The following MFSD11 variants were observed in gnomAD, a reference collection of about 807,000 sequenced individuals.
MFSD11 encodes UNC93-like protein MFSD11.
A neutral mutation model predicts 53.5 loss-of-function variants in MFSD11; 36 were observed. That is an observed-to-expected ratio of 0.67 (90% CI 0.52 to 0.89). MFSD11 has a LOEUF of 0.89. Ranked by LOEUF, MFSD11 falls within the 40% of genes least tolerant of loss-of-function variation. The pLI is 0.00. For synonymous variants in MFSD11, 186 were observed against 184.9 expected, an observed-to-expected ratio of 1.01 and a Z score of -0.05; for missense variants, 530 against 543.9, an observed-to-expected ratio of 0.97 and a Z score of 0.25.
At chr17:76,777,639 T>A (rs898598315) in intron 12 of MFSD11, among the ~76,000 whole-genome samples, 1 of 152,148 alleles carries the variant, frequency 6.6e-6, no homozygotes, top group Non-Finnish European at 1.5e-5. Flanking sequence ...GGGACATCCT[T>A]TAAGAGGATT....
intron 8 of MFSD11, among the ~76,000 whole-genome samples, chr17:76,764,240 C>CT (rs1212647079): frequency 6.8e-6 from 1 of 146,542 alleles, no homozygotes; most frequent in Admixed American, 6.7e-5. Flanking sequence ...ACATAGTTAT[C>CT]TTTTTTTTGC....
At chr17:76,780,276 T>C (rs1007609471), downstream of MFSD11, among the ~76,000 whole-genome samples, 6 of 152,206 alleles carry the variant, frequency 3.9e-5, no homozygotes, top group African/African-American at 1.4e-4. Context: ...TCTGTCTCTA[T>C]AGATTTGCTT....
At chr17:76,762,872 C>CTT (rs557000394) in intron 8 of MFSD11, among the ~76,000 whole-genome samples, 1 of 144,066 alleles carries the variant, frequency 6.9e-6, no homozygotes, top group Non-Finnish European at 1.5e-5. Context: ...CCCCACATTC[C>CTT]TTTTTTTTTT....
chr17:76,767,157 A>G, intron 8 of MFSD11: 2 of 404,786 alleles, frequency 4.9e-6, no homozygotes, highest in Non-Finnish European at 8.8e-6. Context: ...GAGCTGGAAA[A>G]TGTGCTGAGG....
intron 7 of MFSD11, among the ~76,000 whole-genome samples, chr17:76,752,057 A>C (rs958034115): frequency 2.0e-5 from 3 of 152,224 alleles, no homozygotes; most frequent in Non-Finnish European, 4.4e-5. Context: ...TCTCCAAAGG[A>C]ATCATAGAAG....
rs2082062041 is a variant in MFSD11, at chr17:76,778,881, C to A, written c.*529C>A. ...GCTGAGACAGAAGGATCACTTCAGCCCAGGAGATTGAGGCTGCGGTGAGCT... is the reference window on the plus strand; with the variant it reads ...GCTGAGACAGAAGGATCACTTCAGCACAGGAGATTGAGGCTGCGGTGAGCT... On this transcript the variant is annotated 3_prime_UTR_variant, in exon 13 of 13. Transcript: ENST00000685175. 1 of 155,410 alleles carries A rather than the reference C, an allele frequency of 6.4e-6. No homozygotes were observed. Among genetic ancestry groups the A allele is most frequent in the Non-Finnish European group, 1.4e-5 (1 of 70,062 alleles). The allele number at this position is 155,410 out of a possible 1,614,324, so 9.6% of individuals were successfully genotyped here.
chr17:76,780,839 T>G (rs901818109), downstream of MFSD11, among the ~76,000 whole-genome samples: 2 of 152,180 alleles, frequency 1.3e-5, no homozygotes, highest in African/African-American at 4.8e-5. Flanking sequence ...GTTCTGGTTT[T>G]CCTTTTTGAA....
In MFSD11 at chr17:76,776,398, T is replaced by C; in HGVS notation, c.1050-8T>C. On this transcript the variant is annotated splice_polypyrimidine_tract_variant and splice_region_variant and intron_variant, in intron 11 of 12. Transcript: ENST00000685175. This position sits in a 1 kb window ranked among gnomAD's most constrained non-coding sequence, Gnocchi z 4.2. ...TGCTCATACTAAATTGATTTTTATT[T>C]TCTTCAGCAAAGAAGTTGCCATTCT... 1.2e-6 allele frequency: 2 copies of C among 1,612,128 alleles called. No individual in the cohort carries two copies. Among genetic ancestry groups the C allele is most frequent in the East Asian group, 4.5e-5 (2 of 44,836 alleles).
downstream of MFSD11, chr17:76,781,477 C>T (rs1329915365): frequency 1.3e-5 from 2 of 152,198 alleles, no homozygotes; most frequent in Non-Finnish European, 1.5e-5. Context: ...TGGGGAGCAT[C>T]TTACAAGGCT....
At chr17:76,758,809 G>A (rs1329525011) in intron 8 of MFSD11, among the ~76,000 whole-genome samples, 3 of 152,080 alleles carry the variant, frequency 2.0e-5, no homozygotes. Flanking sequence ...CCCTTGAACA[G>A]CGTGGGGCAT....
chr17:76,756,613 C>CT (rs2079658327), intron 8 of MFSD11, among the ~76,000 whole-genome samples: 2 of 152,090 alleles, frequency 1.3e-5, no homozygotes, highest in African/African-American at 4.8e-5. Flanking sequence ...ATAATGCCAT[C>CT]ACTTTGGGAG....
At chr17:76,774,197 A>G (rs2081616047) in intron 10 of MFSD11, among the ~76,000 whole-genome samples, 1 of 152,172 alleles carries the variant, frequency 6.6e-6, no homozygotes, top group Non-Finnish European at 1.5e-5. Flanking sequence ...AAGGGCTGGG[A>G]TTACAGGTGT....
At chr17:76,772,884 A>G (rs1377585004) in intron 10 of MFSD11, among the ~76,000 whole-genome samples, 1 of 152,064 alleles carries the variant, frequency 6.6e-6, no homozygotes, top group Non-Finnish European at 1.5e-5. Flanking sequence ...ATACCTTTTA[A>G]GATTTGTTGG....
chr17:76,756,749 A>T (rs1199082950), intron 8 of MFSD11, among the ~76,000 whole-genome samples: 2 of 151,868 alleles, frequency 1.3e-5, no homozygotes, highest in African/African-American at 4.8e-5. Context: ...AATCCCAGCT[A>T]CTCAGGAGGC....
At chr17:76,764,157 C>G (rs562682776) in intron 8 of MFSD11, among the ~76,000 whole-genome samples, 3 of 152,290 alleles carry the variant, frequency 2.0e-5, no homozygotes, top group Admixed American at 2.0e-4. Flanking sequence ...TAGCACTCGG[C>G]CACGTGTTTT....
downstream of MFSD11, among the ~76,000 whole-genome samples, chr17:76,782,450 C>T (rs535008490): frequency 2.1e-5 from 3 of 144,114 alleles, no homozygotes; most frequent in East Asian, 6.3e-4. Context: ...GCTGGGATTA[C>T]AGGCGTGAGC....
chr17:76,747,692 A>G (rs576060363), intron 7 of MFSD11, among the ~76,000 whole-genome samples: 2 of 152,304 alleles, frequency 1.3e-5, no homozygotes, highest in Admixed American at 1.3e-4. Context: ...GTGAAAGTGA[A>G]TACCACAAAT....
chr17:76,741,798 A>G (rs2078108680), intron 3 of MFSD11, 171 bp from the exon 4 acceptor site: 4 of 586,822 alleles, frequency 6.8e-6, no homozygotes, highest in African/African-American at 2.0e-5. Flanking sequence ...AAAAAAATTA[A>G]TTAATTAAGA....
upstream of MFSD11, chr17:76,737,655 A>C (rs79269320): frequency 2.6e-5 from 5 of 190,448 alleles, no homozygotes; most frequent in East Asian, 4.6e-4. Context: ...CCTTTTTTTC[A>C]TGCCAATACT....
Sources: allele counts gnomAD v4.1 joint callset (sites outside exome capture counted in the v4.1 genomes callset), GRCh38; gene constraint gnomAD v4.1.1; non-coding constraint Gnocchi (gnomAD v3.1); transcripts MANE v1.5; gene names NCBI Gene and HGNC (gene_info 2026-07-23, HGNC 2026-07-21).